The following MAP3K3 variants were observed in gnomAD, a reference collection of about 807,000 sequenced individuals.
MAP3K3 encodes the protein MAP/ERK kinase kinase 3.
Under a neutral mutation model 80.9 loss-of-function variants are expected in MAP3K3, and 12 were observed. The ratio of observed to expected loss-of-function variants is 0.15; its 90% CI spans 0.10 to 0.24. The LOEUF (loss-of-function observed/expected upper bound fraction) is 0.24. Among genes scored for constraint, MAP3K3 ranks in the 10% least tolerant of loss-of-function variants. The pLI, the probability that MAP3K3 is intolerant of heterozygous loss-of-function variation, is 1.00. For synonymous variants in MAP3K3, 272 were observed against 307.1 expected (o/e 0.89, Z 1.19); for missense variants, 596 against 834.7 (o/e 0.71, Z 3.52).
intron 5 of MAP3K3, among the ~76,000 whole-genome samples, chr17:63,664,155 G>T (rs1216211787): frequency 6.7e-6 from 1 of 149,134 alleles, no homozygotes; most frequent in African/African-American, 2.5e-5. Context: ...GCTGAGGCAG[G>T]AGAATGGCGT....
intron 5 of MAP3K3, among the ~76,000 whole-genome samples, chr17:63,662,209 C>G (rs2034906845): frequency 6.8e-6 from 1 of 147,206 alleles, no homozygotes; most frequent in African/African-American, 2.5e-5. Flanking sequence ...AGTTTGAGAC[C>G]AGCCTGAGCA....
At chr17:63,661,402 A>G (rs2034888609) in intron 5 of MAP3K3, among the ~76,000 whole-genome samples, 1 of 152,168 alleles carries the variant, frequency 6.6e-6, no homozygotes. Context: ...TCATTTTAAG[A>G]TACTTCATTG....
Position 63,652,633 on chromosome 17 carries a change from G to A in MAP3K3, c.244G>A (p.Asp82Asn). The change falls in exon 4 of 16, where the codon GAT (aspartate) becomes AAT (asparagine). Residue 82 changes from aspartate (D) to asparagine (N), a missense_variant. Asp to Asn is a conservative substitution (Grantham distance 23). Coordinates refer to ENST00000361733, the MANE Select transcript of MAP3K3 (RefSeq NM_002401.5). ...KVTTVFGQPL[D>N]LHYMNNELSI... ...GACAACAGTATTTGGACAACCTCTT[G>A]ATCTACATTACATGAACAATGAGGT... 1 of 1,613,272 alleles carries A rather than the reference G, an allele frequency of 6.2e-7. No individual in the cohort carries two copies.
chr17:63,665,994 C>T (rs146672212), intron 5 of MAP3K3, among the ~76,000 whole-genome samples: 12 of 152,254 alleles, frequency 7.9e-5, no homozygotes, highest in African/African-American at 2.9e-4. Flanking sequence ...ATCCTGAGCT[C>T]TCACCCCGAC....
At chr17:63,654,158 C>T (rs543243728) in intron 4 of MAP3K3, among the ~76,000 whole-genome samples, 3 of 152,260 alleles carry the variant, frequency 2.0e-5, no homozygotes, top group South Asian at 2.1e-4. Flanking sequence ...CATGAGCCAC[C>T]GCACTTGGCC....
rs1470540654 is a variant in MAP3K3, at chr17:63,690,320, G to A, written c.1120G>A (p.Gly374Ser). Residue 374 changes from glycine (G) to serine (S), a missense_variant, in exon 12 of 16, where the codon GGC becomes AGC. Physicochemically the swap from Gly to Ser is moderately conservative, Grantham distance 56 (BLOSUM62 0). This residue lies in a region of MAP3K3 where 364 missense variants were observed against 588.9 expected (regional missense o/e 0.62). Transcript: ENST00000361733. ...AAAGCTCCTGGGCCAGGGTGCCTTC[G>A]GCAGGGTCTATTTGTGCTATGACGT... The part of the protein sequence containing the change: ...RGKLLGQGAF[G>S]RVYLCYDVDT... 2.5e-6 allele frequency: 4 copies of A among 1,614,038 alleles called. No homozygotes were observed. The highest frequency in any genetic ancestry group is 2.7e-5 in the African/African-American group (2 of 74,922).
chr17:63,634,639 C>T, intron 2 of MAP3K3: 1 of 1,272,830 alleles, frequency 7.9e-7, no homozygotes, highest in South Asian at 1.2e-5. Context: ...CCATGATTTA[C>T]TTCAATGTTG....
In MAP3K3 at chr17:63,695,075, A is replaced by C. The variant is rs1598130746; in HGVS notation, c.*1298A>C. 7.5e-6 allele frequency: 1 copy of C among 132,874 alleles called. No individual in the cohort carries two copies. Among genetic ancestry groups the C allele is most frequent in the African/African-American group, 2.9e-5 (1 of 34,332 alleles). The allele number at this position is 132,874 out of a possible 1,614,324, so 8.2% of individuals were successfully genotyped here. On this transcript the variant is annotated 3_prime_UTR_variant, in exon 16 of 16. Transcript: ENST00000361733. The surrounding 1 kb of genome is among the most constrained non-coding windows in gnomAD (Gnocchi z 4.1). ...CCTCTCAACACCCAGTTTCCTTGGG[A>C]GTTGTCATTAAAGGAAAAAAAAAAA...
intron 4 of MAP3K3, among the ~76,000 whole-genome samples, chr17:63,653,257 C>G (rs9901112): frequency 0.28 from 42,345 of 152,148 alleles, 6,324 homozygotes; most frequent in African/African-American, 0.37. Context: ...GCTGCTTTCC[C>G]AGCTCCAAGA....
chr17:63,666,517 T>G (rs1192655776), intron 5 of MAP3K3, among the ~76,000 whole-genome samples: 1 of 152,104 alleles, frequency 6.6e-6, no homozygotes, highest in Non-Finnish European at 1.5e-5. Flanking sequence ...AGAATTTTGT[T>G]GGGGAGGGAA....
chr17:63,631,874 A>C (rs894573516), intron 1 of MAP3K3, among the ~76,000 whole-genome samples: 2 of 152,138 alleles, frequency 1.3e-5, no homozygotes, highest in African/African-American at 4.8e-5. Flanking sequence ...GCGGCATTCA[A>C]ATGCTAGGCT....
intron 7 of MAP3K3, chr17:63,682,856 A>G (rs2035369437): frequency 6.6e-6 from 1 of 152,244 alleles, no homozygotes; most frequent in Admixed American, 6.5e-5. Context: ...CACAGGTTCT[A>G]CTTGCACTAA....
intron 7 of MAP3K3, among the ~76,000 whole-genome samples, chr17:63,683,544 CA>C (rs34973937): frequency 0.18 from 27,993 of 152,104 alleles, 3,360 homozygotes; most frequent in Middle Eastern, 0.31. Context: ...ATTTGACTCC[CA>C]GTGAGGACAG....
intron 7 of MAP3K3, among the ~76,000 whole-genome samples, chr17:63,683,607 C>T (rs76378298): frequency 0.032 from 4,931 of 152,262 alleles, 124 homozygotes; most frequent in Non-Finnish European, 0.046. Context: ...CCAAGGTCCT[C>T]CCCCAGCGCC....
intron 2 of MAP3K3, among the ~76,000 whole-genome samples, chr17:63,635,197 G>A (rs1331664461): frequency 6.6e-6 from 1 of 152,196 alleles, no homozygotes; most frequent in African/African-American, 2.4e-5. Context: ...ACTATGTAAG[G>A]GACTGTTGAT....
chr17:63,636,272 A>G (rs1220209107), intron 2 of MAP3K3, among the ~76,000 whole-genome samples: 1 of 152,248 alleles, frequency 6.6e-6, no homozygotes, highest in Non-Finnish European at 1.5e-5. Flanking sequence ...ATGGAAGTAC[A>G]TGGGCAGTGA....
At position 63,691,203 on chromosome 17, in the gene MAP3K3, C is replaced by T. The variant is rs1244399282; in HGVS notation, c.1314C>T (p.Thr438=). 2.5e-6 allele frequency: 4 copies of T among 1,614,142 alleles called. No homozygotes were observed. Among genetic ancestry groups the T allele is most frequent in the Non-Finnish European group, 3.4e-6 (4 of 1,180,030 alleles). ...GTCTGCGGGACCGCGCTGAGAAGAC[C>T]CTGACCATCTTCATGGAGTACATGC... The part of the protein sequence containing the change: ...YGCLRDRAEK[T]LTIFMEYMPG... The change falls in exon 13 of 16, where the codon ACC becomes ACT. Residue 438 remains threonine, a synonymous_variant. Coordinates refer to ENST00000361733, the MANE Select transcript of MAP3K3 (RefSeq NM_002401.5). This position sits in a 1 kb window ranked among gnomAD's most constrained non-coding sequence, Gnocchi z 4.8.
At chr17:63,628,141 GGTGA>G (rs2034141616) in intron 1 of MAP3K3, among the ~76,000 whole-genome samples, 1 of 150,580 alleles carries the variant, frequency 6.6e-6, no homozygotes, top group Non-Finnish European at 1.5e-5. Flanking sequence ...CCTGACCTCA[GGTGA>G]TCTGCCTGCC....
chr17:63,646,040 G>A lies in MAP3K3; in HGVS notation c.133G>A (p.Val45Ile), dbSNP rs1001024067. The change falls in exon 3 of 16, where the codon GTC becomes ATC. Residue 45 changes from valine to isoleucine, a missense_variant. Coordinates refer to ENST00000361733, the MANE Select transcript of MAP3K3 (RefSeq NM_002401.5). Reference sequence around the variant, plus strand: ...CTATCATTCTTTTTGGCAGAGTGACGTCAGAATCAAGTTCGAGCACAACGG... The same window carrying A: ...CTATCATTCTTTTTGGCAGAGTGACATCAGAATCAAGTTCGAGCACAACGG... Reference protein sequence around the residue: ...DTGHSNRQSDVRIKFEHNGER... With the variant: ...DTGHSNRQSDIRIKFEHNGER... 15 of 1,613,976 alleles carry A rather than the reference G, an allele frequency of 9.3e-6. No homozygotes were observed. The highest frequency in any genetic ancestry group is 1.7e-5 in the Admixed American group (1 of 60,014).
Sources: gnomAD v4.1 joint callset for allele counts (sites outside exome capture counted in the v4.1 genomes callset) on GRCh38, gnomAD v4.1.1 for gene constraint, gnomAD v4.1.1 regional missense constraint, Gnocchi (gnomAD v3.1) non-coding constraint, MANE v1.5 for transcripts, NCBI Gene and HGNC (gene_info 2026-07-23, HGNC 2026-07-21) for gene names.